Variants in FSTL5 observed in about 807,000 individuals in gnomAD.
The protein encoded by FSTL5 is follistatin like 5, also known as follistatin-related protein 5.
FSTL5 carries 62 observed loss-of-function variants against 89.1 expected under a neutral mutation model. The ratio of observed to expected loss-of-function variants is 0.70; its 90% CI spans 0.57 to 0.86. The LOEUF is 0.86. FSTL5 is among the 40% of genes least tolerant of loss of function. The pLI is 0.00. For synonymous variants in FSTL5, 383 were observed against 346.2 expected, an observed-to-expected ratio of 1.11 and a Z score of -1.18; for missense variants, 1,057 against 1,001.6, an observed-to-expected ratio of 1.06 and a Z score of -0.75.
In FSTL5 at chr4:161,523,766, T is replaced by A. The variant is rs183794928; in HGVS notation, c.1313-13342A>T. Among the ~76,000 whole-genome samples the A allele has an allele frequency of 2.2e-4, 34 of 152,300 alleles. No homozygotes were observed. The East Asian group carries it at 6.4e-3, about 29-fold the overall frequency. On this transcript the variant is annotated intron_variant, in intron 10 of 15. Transcript: ENST00000306100. ...TTATAAACTTTGCTGGGAATTGGAATTTGAATTAAACCTCCCTTGGTAATA... is the reference window on the plus strand; with the variant it reads ...TTATAAACTTTGCTGGGAATTGGAAATTGAATTAAACCTCCCTTGGTAATA...
intron 6 of FSTL5, among the ~76,000 whole-genome samples, chr4:161,698,773 C>G (rs1028099247): frequency 1.3e-5 from 2 of 152,012 alleles, no homozygotes; most frequent in Admixed American, 1.3e-4. Flanking sequence ...ACTAAACATA[C>G]AAAAACAAAC....
chr4:162,127,692 T>C (rs72984801), intron 1 of FSTL5, among the ~76,000 whole-genome samples: 360 of 152,214 alleles, frequency 2.4e-3, no homozygotes, highest in African/African-American at 8.0e-3. Flanking sequence ...AATACTAATA[T>C]ATATACAGTT....
chr4:161,966,946 CA>C (rs908607159), intron 3 of FSTL5, among the ~76,000 whole-genome samples: 2 of 151,198 alleles, frequency 1.3e-5, no homozygotes, highest in South Asian at 2.1e-4. Flanking sequence ...GCTTTAAATA[CA>C]AAAAAAACCT....
At position 161,668,897 on chromosome 4, in the gene FSTL5, A is replaced by AG. The variant is rs754337227; in HGVS notation, c.728-12404dup. Among the ~76,000 whole-genome samples, 184 of 152,178 alleles carry AG rather than the reference A, an allele frequency of 1.2e-3. 1 individual carries two copies. The highest frequency in any genetic ancestry group is 3.5e-3 in the South Asian group (17 of 4,830). ...GAGGCTGAGGTGGGTGGATCACCTG[A>AG]GGTCAGGAGTTCAAGACCAGCCTGG... On this transcript the variant is annotated intron_variant, in intron 6 of 15. Transcript: ENST00000306100.
intron 7 of FSTL5, among the ~76,000 whole-genome samples, chr4:161,613,398 C>T (rs1162714914): frequency 6.7e-6 from 1 of 149,720 alleles, no homozygotes; most frequent in South Asian, 2.1e-4. Flanking sequence ...TGCAGGGAGC[C>T]GAGATGGTGC....
At chr4:161,616,257 T>C (rs561100181) in intron 7 of FSTL5, among the ~76,000 whole-genome samples, 10 of 152,158 alleles carry the variant, frequency 6.6e-5, no homozygotes, top group Admixed American at 2.0e-4. Flanking sequence ...CGCTAATCTT[T>C]TTGTATTTTT....
At chr4:161,710,353 C>T (rs1022688859) in intron 6 of FSTL5, among the ~76,000 whole-genome samples, 2 of 152,106 alleles carry the variant, frequency 1.3e-5, no homozygotes, top group African/African-American at 4.8e-5. Context: ...AACATCAGCA[C>T]ATCAGTTTTG....
intron 6 of FSTL5, among the ~76,000 whole-genome samples, chr4:161,707,796 A>G (rs1362806456): frequency 6.6e-6 from 1 of 151,984 alleles, no homozygotes; most frequent in Non-Finnish European, 1.5e-5. Flanking sequence ...AATACAGAAG[A>G]AAACAAAACT....
At chr4:162,051,873 G>T (rs1738389336) in intron 2 of FSTL5, among the ~76,000 whole-genome samples, 1 of 151,344 alleles carries the variant, frequency 6.6e-6, no homozygotes, top group Non-Finnish European at 1.5e-5. Flanking sequence ...AACAAGAAAG[G>T]TTATAGAATA....
At chr4:161,626,963 T>C (rs1226568005) in intron 7 of FSTL5, among the ~76,000 whole-genome samples, 2 of 152,110 alleles carry the variant, frequency 1.3e-5, no homozygotes, top group Non-Finnish European at 2.9e-5. Flanking sequence ...ACTTGCTTTT[T>C]ATGGATGAGC....
At chr4:161,396,487 C>CAA (rs539749954) in intron 15 of FSTL5, among the ~76,000 whole-genome samples, 43 of 106,788 alleles carry the variant, frequency 4.0e-4, no homozygotes, top group Middle Eastern at 5.2e-3. Flanking sequence ...ACTAAAAATA[C>CAA]AAAAAAAAAA....
At chr4:162,150,282 T>A (rs1319149785) in intron 1 of FSTL5, among the ~76,000 whole-genome samples, 1 of 152,098 alleles carries the variant, frequency 6.6e-6, no homozygotes, top group Non-Finnish European at 1.5e-5. Flanking sequence ...AAGACAGAGA[T>A]CATTGGAGCC....
intron 6 of FSTL5, among the ~76,000 whole-genome samples, chr4:161,686,335 TATATATATATA>T (rs1301027193): frequency 0.011 from 90 of 8,494 alleles, no homozygotes; most frequent in East Asian, 0.035. Flanking sequence ...TATATATATA[TATATATATATA>T]TTTTTTTTTT....
At chr4:161,692,806 C>T (rs1737989519) in intron 6 of FSTL5, among the ~76,000 whole-genome samples, 1 of 152,090 alleles carries the variant, frequency 6.6e-6, no homozygotes, top group South Asian at 2.1e-4. Context: ...TCACTGCAAC[C>T]TCCAACTCCC....
At chr4:162,053,297 G>T (rs1374140801) in intron 2 of FSTL5, among the ~76,000 whole-genome samples, 1 of 151,624 alleles carries the variant, frequency 6.6e-6, no homozygotes, top group Admixed American at 6.6e-5. Context: ...TCCTCTTAAG[G>T]GTTGCAGTGC....
chr4:161,993,000 C>T (rs1353129883), intron 3 of FSTL5, among the ~76,000 whole-genome samples: 4 of 143,062 alleles, frequency 2.8e-5, no homozygotes, highest in Admixed American at 2.2e-4. Context: ...TGACATGTTT[C>T]AATAGGTTGC....
intron 7 of FSTL5, among the ~76,000 whole-genome samples, chr4:161,604,927 A>G (rs1221686795): frequency 1.3e-5 from 2 of 152,240 alleles, no homozygotes; most frequent in Admixed American, 1.3e-4. Flanking sequence ...AAATATTTAC[A>G]GAATCTATGC....
intron 7 of FSTL5, among the ~76,000 whole-genome samples, chr4:161,610,870 C>A (rs1194293593): frequency 6.6e-6 from 1 of 151,390 alleles, no homozygotes; most frequent in Non-Finnish European, 1.5e-5. Context: ...GGTGCAGATA[C>A]AACAAAAAAT....
chr4:161,747,738 G>T (rs1209445090), intron 6 of FSTL5, among the ~76,000 whole-genome samples: 1 of 152,174 alleles, frequency 6.6e-6, no homozygotes, highest in Non-Finnish European at 1.5e-5. Flanking sequence ...TACAATGAGT[G>T]CATTGCAGAT....
Sources: gnomAD v4.1 joint callset for allele counts (sites outside exome capture counted in the v4.1 genomes callset) on GRCh38, gnomAD v4.1.1 for gene constraint, MANE v1.5 for transcripts, NCBI Gene and HGNC (gene_info 2026-07-23, HGNC 2026-07-21) for gene names.